ZSWIM5: variants seen among roughly 807,000 people sequenced by gnomAD.
ZSWIM5 encodes zinc finger SWIM-type containing 5, also known as zinc finger SWIM domain-containing protein 5.
In ZSWIM5, 55 loss-of-function variants were observed where a neutral mutation model predicts 119.6. That is an observed-to-expected ratio of 0.46 (90% CI 0.37 to 0.58). The LOEUF (loss-of-function observed/expected upper bound fraction) is 0.58. ZSWIM5 is among the 20% of genes least tolerant of loss of function. The pLI, the probability that ZSWIM5 is intolerant of heterozygous loss-of-function variation, is 0.00. For missense variants in ZSWIM5, 1,193 were observed against 1,512.8 expected, an observed-to-expected ratio of 0.79 and a Z score of 3.51; for synonymous variants, 537 against 606.9, an observed-to-expected ratio of 0.88 and a Z score of 1.69.
At chr1:45,204,001 A>G (rs578172433) in intron 1 of ZSWIM5, among the ~76,000 whole-genome samples, 1 of 152,284 alleles carries the variant, frequency 6.6e-6, no homozygotes, top group African/African-American at 2.4e-5. Flanking sequence ...AAGAGAGCCT[A>G]TAACTCCAGA....
Position 45,036,230 on chromosome 1 carries a change from T to C in ZSWIM5, c.1964A>G (p.Glu655Gly). The C allele has an allele frequency of 6.2e-7, 1 of 1,614,184 alleles. No individual in the cohort carries two copies. The highest frequency in any genetic ancestry group is 1.1e-5 in the South Asian group (1 of 91,076). ...PVAAGSPNSS[E>G]SYLSLALEVA... Reference sequence around the variant, plus strand: ...TTCCAGGGCCAATGACAGGTAGGACTCACTGCTGTTTGGGGAGCCTGCAGC... The same window carrying C: ...TTCCAGGGCCAATGACAGGTAGGACCCACTGCTGTTTGGGGAGCCTGCAGC... Residue 655 changes from glutamate (E) to glycine (G), a missense_variant, in exon 9 of 14, where the codon GAG becomes GGG. Physicochemically the swap from Glu to Gly is moderately conservative, Grantham distance 98. Around this residue, in one of 2 missense-constraint regions of ZSWIM5, gnomAD observed 961 missense variants for 1,290.0 expected, o/e 0.74. Coordinates refer to ENST00000359600, the MANE Select transcript of ZSWIM5 (RefSeq NM_020883.2).
At chr1:45,124,279 T>C (rs1645608283) in intron 1 of ZSWIM5, among the ~76,000 whole-genome samples, 2 of 152,146 alleles carry the variant, frequency 1.3e-5, no homozygotes, top group African/African-American at 4.8e-5. Flanking sequence ...CTGTCTGATC[T>C]GCTTCTAAAT....
rs1401434551 is a variant in ZSWIM5 at position 45,183,907 on chromosome 1, G to A, written c.595+21849C>T. 2.6e-5 allele frequency among the ~76,000 whole-genome samples: 4 copies of A among 152,170 alleles called. No homozygotes were observed. In the East Asian group the frequency reaches 5.8e-4, roughly 22 times the overall value. On this transcript the variant is annotated intron_variant, in intron 1 of 13. Transcript: ENST00000359600. ...CTCCCTAACTCATTTTATGAGGCCAGCATCATCCTGATACCAAAGCCGGGC... is the reference window on the plus strand; with the variant it reads ...CTCCCTAACTCATTTTATGAGGCCAACATCATCCTGATACCAAAGCCGGGC...
Position 45,206,242 on chromosome 1 carries a change from G to A in ZSWIM5, c.109C>T (p.Pro37Ser), listed in dbSNP as rs1431819318. Residue 37 changes from proline (P) to serine (S), a missense_variant, in exon 1 of 14, where the codon CCT becomes TCT. Physicochemically the swap from Pro to Ser is moderately conservative, Grantham distance 74. Transcript: ENST00000359600. ...CCTGCCCCTCCGCCGGCTGCCCCAG[G>A]CGAACCGCGAGGGTGATGAGCCTGC... is the stretch of plus-strand genomic sequence containing the variant. ...SPQAHHPRGS[P>S]GAAGGGAGGV... The A allele has an allele frequency of 6.3e-7, 1 of 1,584,660 alleles. No individual in the cohort carries two copies. Among genetic ancestry groups the A allele is most frequent in the South Asian group, 1.1e-5 (1 of 87,320 alleles).
intron 1 of ZSWIM5, among the ~76,000 whole-genome samples, chr1:45,199,026 T>C (rs1246191398): frequency 2.6e-5 from 4 of 152,194 alleles, no homozygotes; most frequent in African/African-American, 9.7e-5. Context: ...AGGACATTGT[T>C]TTCCAATGTA....
intron 2 of ZSWIM5, among the ~76,000 whole-genome samples, chr1:45,077,599 C>T (rs1645263260): frequency 6.6e-6 from 1 of 152,334 alleles, no homozygotes; most frequent in East Asian, 1.9e-4. Context: ...TCATTGATAA[C>T]ATCTTATCAG....
intron 2 of ZSWIM5, among the ~76,000 whole-genome samples, chr1:45,076,448 G>T (rs1645256995): frequency 1.3e-5 from 2 of 152,020 alleles, no homozygotes; most frequent in Admixed American, 1.3e-4. Flanking sequence ...CTAGCTCCTG[G>T]CCTGTAGAGT....
At chr1:45,086,503 A>G (rs960434254) in intron 2 of ZSWIM5, among the ~76,000 whole-genome samples, 4 of 152,218 alleles carry the variant, frequency 2.6e-5, no homozygotes, top group Non-Finnish European at 4.4e-5. Flanking sequence ...TGAAACCTAA[A>G]TGAATTAATA....
At chr1:45,105,725 G>C (rs1176932528) in intron 1 of ZSWIM5, among the ~76,000 whole-genome samples, 1 of 145,018 alleles carries the variant, frequency 6.9e-6, no homozygotes, top group Non-Finnish European at 1.5e-5. Flanking sequence ...CGTCGGGGAA[G>C]TGAGGAGCAC....
At position 45,058,684 on chromosome 1, in the gene ZSWIM5, C is replaced by G; in HGVS notation, c.1177G>C (p.Asp393His). 1 of 1,614,196 alleles carries G rather than the reference C, an allele frequency of 6.2e-7. No individual in the cohort carries two copies. Among genetic ancestry groups the G allele is most frequent in the Non-Finnish European group, 8.5e-7 (1 of 1,180,032 alleles). Reference sequence around the variant, plus strand: ...TGCCTCCAGAGTGTGAGTCGTGGGTCAGCCACAAACTGCTCAGTTATTAGT... The same window carrying G: ...TGCCTCCAGAGTGTGAGTCGTGGGTGAGCCACAAACTGCTCAGTTATTAGT... ...LTLITEQFVA[D>H]PRLTLWRQQG... The change falls in exon 4 of 14, where the codon GAC becomes CAC. Residue 393 changes from aspartate (D) to histidine (H), a missense_variant. Physicochemically the swap from Asp to His is moderately conservative, Grantham distance 81. This residue lies in a region of ZSWIM5 where 961 missense variants were observed against 1,290.0 expected (regional missense o/e 0.74). Coordinates refer to ENST00000359600, the MANE Select transcript of ZSWIM5 (RefSeq NM_020883.2).
At chr1:45,055,207 G>T (rs1404911406) in intron 4 of ZSWIM5, among the ~76,000 whole-genome samples, 1 of 152,148 alleles carries the variant, frequency 6.6e-6, no homozygotes, top group Non-Finnish European at 1.5e-5. Flanking sequence ...AGCCAGGATG[G>T]TCTCAATCTC....
At chr1:45,055,245 C>A (rs1645115333) in intron 4 of ZSWIM5, among the ~76,000 whole-genome samples, 1 of 152,274 alleles carries the variant, frequency 6.6e-6, no homozygotes, top group South Asian at 2.1e-4. Context: ...CTGCCTTGGC[C>A]TCCCAAAGTG....
chr1:45,118,362 C>T (rs1035839818), intron 1 of ZSWIM5, among the ~76,000 whole-genome samples: 11 of 152,118 alleles, frequency 7.2e-5, no homozygotes, highest in African/African-American at 2.7e-4. Flanking sequence ...ATGCAGAGAG[C>T]CACAAAAGTG....
intron 2 of ZSWIM5, among the ~76,000 whole-genome samples, chr1:45,085,230 G>C (rs1645319509): frequency 1.3e-5 from 2 of 152,216 alleles, no homozygotes; most frequent in African/African-American, 4.8e-5. Context: ...CTGGGATGCA[G>C]GGAGCAGTGT....
chr1:45,206,413 G>C lies in ZSWIM5; in HGVS notation c.-63C>G, dbSNP rs1646192562. 7.7e-7 allele frequency: 1 copy of C among 1,295,216 alleles called. No individual in the cohort carries two copies. Among genetic ancestry groups the C allele is most frequent in the African/African-American group, 1.5e-5 (1 of 64,542 alleles). The allele number at this position is 1,295,216 out of a possible 1,614,324, so 80.2% of individuals were successfully genotyped here. A position where few individuals can be genotyped will look rare whatever the true frequency, so the allele number is the denominator to read the frequency against. On this transcript the variant is annotated 5_prime_UTR_variant, in exon 1 of 14. Coordinates refer to ENST00000359600, the MANE Select transcript of ZSWIM5 (RefSeq NM_020883.2). ...TGCTCGGGCTGCGGCGGAGACCCTG[G>C]CCACGGCCACGCGCCCCGCGCAAGC...
At chr1:45,201,953 G>T (rs1646160766) in intron 1 of ZSWIM5, among the ~76,000 whole-genome samples, 1 of 151,858 alleles carries the variant, frequency 6.6e-6, no homozygotes, top group African/African-American at 2.4e-5. Context: ...TTAACGTTCA[G>T]TCATTCAACA....
chr1:45,050,138 TG>T (rs1645080969), intron 5 of ZSWIM5, among the ~76,000 whole-genome samples: 2 of 152,086 alleles, frequency 1.3e-5, no homozygotes, highest in African/African-American at 4.8e-5. Flanking sequence ...GCAGATCACC[TG>T]GGGTCAGGAG....
chr1:45,120,273 G>A (rs1384077628), intron 1 of ZSWIM5, among the ~76,000 whole-genome samples: 1 of 152,198 alleles, frequency 6.6e-6, no homozygotes, highest in African/African-American at 2.4e-5. Flanking sequence ...GAACCCCGGA[G>A]GGGGAGGTCG....
intron 1 of ZSWIM5, among the ~76,000 whole-genome samples, chr1:45,173,121 T>C (rs1319665274): frequency 6.6e-6 from 1 of 152,054 alleles, no homozygotes; most frequent in Non-Finnish European, 1.5e-5. Context: ...ACTATGATCA[T>C]ACCACTGTAC....
Sources: allele counts gnomAD v4.1 joint callset (sites outside exome capture counted in the v4.1 genomes callset), GRCh38; gene constraint gnomAD v4.1.1; regional missense constraint gnomAD v4.1.1; transcripts MANE v1.5; gene names NCBI Gene and HGNC (gene_info 2026-07-23, HGNC 2026-07-21).